NFIB: variants seen among roughly 807,000 people sequenced by gnomAD.
NFIB encodes the protein nuclear factor 1 B-type.
A neutral mutation model predicts 61.5 loss-of-function variants in NFIB; 11 were observed. The ratio of observed to expected loss-of-function variants is 0.18; its 90% CI spans 0.11 to 0.30. NFIB has a LOEUF of 0.30. Among genes scored for constraint, NFIB ranks in the 10% least tolerant of loss-of-function variants. The pLI is 1.00. For missense variants in NFIB, 471 were observed against 608.9 expected (o/e 0.77, Z 2.38); for synonymous variants, 260 against 216.5 (o/e 1.20, Z -1.76).
intron 1 of NFIB, among the ~76,000 whole-genome samples, chr9:14,381,635 G>C (rs1159317331): frequency 1.3e-5 from 2 of 152,222 alleles, no homozygotes; most frequent in East Asian, 3.9e-4. Context: ...CTAAGAGCAA[G>C]TGTGCACTGT....
chr9:14,388,463 GAA>G (rs1454452421), intron 1 of NFIB, among the ~76,000 whole-genome samples: 1 of 143,514 alleles, frequency 7.0e-6, no homozygotes, highest in Non-Finnish European at 1.5e-5. Context: ...AAGAGAGAAA[GAA>G]AAAGAGAGAG....
the NFIB span, among the ~76,000 whole-genome samples, chr9:14,503,751 G>T: frequency 6.6e-6 from 1 of 152,106 alleles, no homozygotes; most frequent in Non-Finnish European, 1.5e-5. Flanking sequence ...AGATTGTGAA[G>T]ATTTTCTCCC....
intron 2 of NFIB, among the ~76,000 whole-genome samples, chr9:14,295,473 A>T (rs2059377087): frequency 1.3e-5 from 2 of 151,982 alleles, no homozygotes; most frequent in African/African-American, 4.8e-5. Context: ...AAACATACAA[A>T]AAAAAAACTC....
At chr9:14,118,292 G>C (rs2038428330) in intron 8 of NFIB, among the ~76,000 whole-genome samples, 1 of 152,042 alleles carries the variant, frequency 6.6e-6, no homozygotes, top group African/African-American at 2.4e-5. Context: ...TCTACATACA[G>C]TGTTCACCAA....
chr9:14,245,690 T>C (rs897456241), intron 2 of NFIB, among the ~76,000 whole-genome samples: 3 of 152,002 alleles, frequency 2.0e-5, no homozygotes, highest in Non-Finnish European at 4.4e-5. Flanking sequence ...CTGGCCAACA[T>C]GGCAAAACCC....
At chr9:14,491,677 C>A in the NFIB span, among the ~76,000 whole-genome samples, 1 of 152,134 alleles carries the variant, frequency 6.6e-6, no homozygotes, top group African/African-American at 2.4e-5. Context: ...GTGGAAATTA[C>A]TTCTTATCTA....
chr9:14,216,534 CTCTCTCTCCCTCTGTG>C (rs1325382958), intron 2 of NFIB, among the ~76,000 whole-genome samples: 47 of 34,554 alleles, frequency 1.4e-3, no homozygotes, highest in African/African-American at 4.6e-3. Context: ...CTCTCTCTCT[CTCTCTCTCCCTCTGTG>C]TGTGTGTGTG....
chr9:14,210,471 T>A (rs551349296), intron 2 of NFIB, among the ~76,000 whole-genome samples: 1 of 152,138 alleles, frequency 6.6e-6, no homozygotes, highest in East Asian at 1.9e-4. Context: ...AAAAACAGAA[T>A]TGCTTTACAA....
chr9:14,474,288 G>A, the NFIB span, among the ~76,000 whole-genome samples: 1 of 152,080 alleles, frequency 6.6e-6, no homozygotes, highest in East Asian at 1.9e-4. Flanking sequence ...CCTGGTTCAT[G>A]GATGGCTGCC....
the NFIB span, among the ~76,000 whole-genome samples, chr9:14,458,069 G>T: frequency 2.6e-5 from 4 of 152,112 alleles, no homozygotes; most frequent in Admixed American, 6.5e-5. Flanking sequence ...AACAAAAAAA[G>T]AGAATTTTAG....
chr9:14,280,763 C>T (rs1445958182), intron 2 of NFIB, among the ~76,000 whole-genome samples: 1 of 151,994 alleles, frequency 6.6e-6, no homozygotes, highest in East Asian at 1.9e-4. Context: ...ATGAAATTTA[C>T]TATTTTACGA....
At chr9:14,227,089 C>T (rs1055555266) in intron 2 of NFIB, among the ~76,000 whole-genome samples, 2 of 146,714 alleles carry the variant, frequency 1.4e-5, no homozygotes, top group East Asian at 2.0e-4. Context: ...TGCAGTGAGC[C>T]GAGATCACGC....
chr9:14,369,585 C>T (rs1026414245), intron 1 of NFIB, among the ~76,000 whole-genome samples: 1 of 152,142 alleles, frequency 6.6e-6, no homozygotes, highest in Non-Finnish European at 1.5e-5. Flanking sequence ...TCCCCACACA[C>T]ACCCTCCCAA....
chr9:14,282,522 A>C (rs2132446072), intron 2 of NFIB, among the ~76,000 whole-genome samples: 1 of 152,352 alleles, frequency 6.6e-6, no homozygotes, highest in South Asian at 2.1e-4. Context: ...TGACTTTCTA[A>C]TGTGATTACT....
the NFIB span, among the ~76,000 whole-genome samples, chr9:14,450,194 C>T: frequency 6.6e-6 from 1 of 151,986 alleles, no homozygotes; most frequent in African/African-American, 2.4e-5. Flanking sequence ...TGTTCAATTC[C>T]CACCGATGAG....
At chr9:14,472,458 T>C in the NFIB span, among the ~76,000 whole-genome samples, 1 of 152,250 alleles carries the variant, frequency 6.6e-6, no homozygotes, top group Non-Finnish European at 1.5e-5. Flanking sequence ...CTGTTGAATC[T>C]AGTAATTAAA....
At chr9:14,498,515 A>C in the NFIB span, among the ~76,000 whole-genome samples, 1 of 152,364 alleles carries the variant, frequency 6.6e-6, no homozygotes, top group South Asian at 2.1e-4. Flanking sequence ...AAAATAGGAC[A>C]AAACCACCTT....
At chr9:14,331,892 C>T (rs1188710342) in intron 1 of NFIB, among the ~76,000 whole-genome samples, 6 of 152,104 alleles carry the variant, frequency 3.9e-5, no homozygotes, top group South Asian at 4.1e-4. Context: ...ATCTATATAT[C>T]GATTATTACT....
At position 14,262,786 on chromosome 9, in the gene NFIB, G is replaced by A. The variant is rs1420317431; in HGVS notation, c.562+44203C>T. 6.8e-5 allele frequency among the ~76,000 whole-genome samples: 10 copies of A among 146,506 alleles called. No homozygotes were observed. The East Asian group carries it at 1.9e-3, about 28-fold the overall frequency. On this transcript the variant is annotated intron_variant, in intron 2 of 10. Transcript: ENST00000380953. ...GCAGCTGTTTGTTTTTTGTTTATTTGTTTGTTTGTTTTTTGTTGTTGTTCC... is the reference window on the plus strand; with the variant it reads ...GCAGCTGTTTGTTTTTTGTTTATTTATTTGTTTGTTTTTTGTTGTTGTTCC...
Sources: allele counts gnomAD v4.1 joint callset (sites outside exome capture counted in the v4.1 genomes callset), GRCh38; gene constraint gnomAD v4.1.1; transcripts MANE v1.5; gene names NCBI Gene and HGNC (gene_info 2026-07-23, HGNC 2026-07-21).